The following EPHB2 variants were observed in gnomAD, a reference collection of about 807,000 sequenced individuals.
EPHB2 encodes ephrin type-B receptor 2.
In EPHB2, 18 loss-of-function variants were observed where a neutral mutation model predicts 96.4. The observed-to-expected ratio is 0.19, with a 90% CI of 0.13 to 0.28. The LOEUF (loss-of-function observed/expected upper bound fraction) is 0.28. Among genes scored for constraint, EPHB2 ranks in the 10% least tolerant of loss-of-function variants. The pLI is 1.00. For missense variants in EPHB2, 989 were observed against 1,355.4 expected, an observed-to-expected ratio of 0.73 and a Z score of 4.25; for synonymous variants, 506 against 534.1, an observed-to-expected ratio of 0.95 and a Z score of 0.72.
At chr1:22,759,947 C>T (rs1420158999) in intron 1 of EPHB2, among the ~76,000 whole-genome samples, 1 of 152,124 alleles carries the variant, frequency 6.6e-6, no homozygotes, top group African/African-American at 2.4e-5. Context: ...GAACCTGCCC[C>T]GGATCCCACC....
intron 3 of EPHB2, among the ~76,000 whole-genome samples, chr1:22,847,686 C>T (rs535296631): frequency 1.3e-3 from 205 of 152,266 alleles, no homozygotes; most frequent in South Asian, 7.9e-3. Context: ...TCTCCCCTGG[C>T]TTCCCTGCTC....
intron 1 of EPHB2, among the ~76,000 whole-genome samples, chr1:22,717,860 C>T (rs1361351792): frequency 4.6e-5 from 7 of 152,104 alleles, no homozygotes; most frequent in African/African-American, 7.2e-5. Flanking sequence ...CAGACTGCTC[C>T]GTACTGTGTG....
chr1:22,792,198 G>T (rs535559955), intron 3 of EPHB2, among the ~76,000 whole-genome samples: 1 of 152,214 alleles, frequency 6.6e-6, no homozygotes, highest in South Asian at 2.1e-4. Flanking sequence ...GAGTCTGCGG[G>T]GGTGGGGTGC....
At chr1:22,788,808 G>T (rs575797181) in intron 3 of EPHB2, among the ~76,000 whole-genome samples, 1 of 147,164 alleles carries the variant, frequency 6.8e-6, no homozygotes, top group East Asian at 2.1e-4. Context: ...AGGCTGGAGC[G>T]TAGTGGTGCA....
At chr1:22,768,728 G>A (rs2148403805) in intron 1 of EPHB2, among the ~76,000 whole-genome samples, 1 of 151,804 alleles carries the variant, frequency 6.6e-6, no homozygotes, top group Non-Finnish European at 1.5e-5. Context: ...GTGGTGTCTG[G>A]AGTTCTCTTT....
intron 3 of EPHB2, among the ~76,000 whole-genome samples, chr1:22,796,426 A>G (rs1350024359): frequency 1.3e-5 from 2 of 152,184 alleles, no homozygotes; most frequent in African/African-American, 4.8e-5. Context: ...TACTGTTTTC[A>G]TAACGAGGAT....
chr1:22,746,852 C>T (rs903242889), intron 1 of EPHB2, among the ~76,000 whole-genome samples: 2 of 152,034 alleles, frequency 1.3e-5, no homozygotes, highest in Non-Finnish European at 2.9e-5. Flanking sequence ...CTTCCCTCTG[C>T]ACCCTCCTGA....
chr1:22,884,530 G>T (rs1426574461), intron 6 of EPHB2, among the ~76,000 whole-genome samples: 1 of 148,810 alleles, frequency 6.7e-6, no homozygotes, highest in Non-Finnish European at 1.5e-5. Flanking sequence ...TGAAGCAGGA[G>T]AATCACTTGA....
At chr1:22,833,801 G>A (rs1645341716) in intron 3 of EPHB2, among the ~76,000 whole-genome samples, 1 of 152,164 alleles carries the variant, frequency 6.6e-6, no homozygotes, top group Non-Finnish European at 1.5e-5. Context: ...GAAATTCATA[G>A]TTTGGATGAG....
At position 22,858,844 on chromosome 1, in the gene EPHB2, G is replaced by C. The variant is rs1434317408; in HGVS notation, c.812-4193G>C. Among the ~76,000 whole-genome samples the C allele has an allele frequency of 3.9e-5, 6 of 152,190 alleles. No homozygotes were observed. Among genetic ancestry groups the C allele is most frequent in the Admixed American group, 6.5e-5 (1 of 15,284 alleles). The stretch of plus-strand genomic sequence containing the variant: ...CTCAGTTTCCTCAAATGTCAACTAA[G>C]GGGGTGGGGCTCGATCCCCTTCCAG... On this transcript the variant is annotated intron_variant, in intron 3 of 15. Coordinates refer to ENST00000374630, the MANE Select transcript of EPHB2 (RefSeq NM_017449.5). The surrounding 1 kb of genome is among the most constrained non-coding windows in gnomAD (Gnocchi z 7.7).
At chr1:22,786,098 C>G (rs1644606697) in intron 3 of EPHB2, among the ~76,000 whole-genome samples, 1 of 152,224 alleles carries the variant, frequency 6.6e-6, no homozygotes. Flanking sequence ...GAGGTACACC[C>G]TGGTGCTAAG....
intron 3 of EPHB2, among the ~76,000 whole-genome samples, chr1:22,828,516 T>A (rs1247311988): frequency 2.6e-5 from 4 of 152,068 alleles, no homozygotes; most frequent in Admixed American, 2.6e-4. Context: ...AAAAGAAAGC[T>A]GGAGACCTTT....
chr1:22,834,182 A>G (rs961360857), intron 3 of EPHB2, among the ~76,000 whole-genome samples: 8 of 152,188 alleles, frequency 5.3e-5, no homozygotes, highest in African/African-American at 1.9e-4. Context: ...GAGCTAACTA[A>G]TAAGAGCCCT....
chr1:22,741,174 C>G (rs982748225), intron 1 of EPHB2, among the ~76,000 whole-genome samples: 1 of 152,054 alleles, frequency 6.6e-6, no homozygotes, highest in South Asian at 2.1e-4. Context: ...AATCTCTCCC[C>G]CCGACCCCTA....
chr1:22,863,011 G>T (rs754570824), intron 3 of EPHB2, 26 bp from the exon 4 acceptor site: 1 of 1,613,840 alleles, frequency 6.2e-7, no homozygotes, highest in South Asian at 1.1e-5. Flanking sequence ...CAGTTTCCTG[G>T]TGACTCTCCT....
intron 2 of EPHB2, among the ~76,000 whole-genome samples, chr1:22,782,413 C>A (rs1411838919): frequency 4.7e-5 from 7 of 148,724 alleles, no homozygotes; most frequent in Non-Finnish European, 9.0e-5. Context: ...TCCCCCCACC[C>A]CAGTTCCTCC....
chr1:22,884,205 G>A (rs909831461), intron 6 of EPHB2, among the ~76,000 whole-genome samples: 1 of 152,184 alleles, frequency 6.6e-6, no homozygotes, highest in Non-Finnish European at 1.5e-5. Flanking sequence ...GATGGAGCCT[G>A]TGAATGAAAA....
intron 5 of EPHB2, among the ~76,000 whole-genome samples, chr1:22,877,529 C>G (rs528617143): frequency 9.2e-5 from 14 of 152,268 alleles, no homozygotes; most frequent in South Asian, 6.2e-4. Context: ...GTTTGGCCCC[C>G]ACCTTCCTCG....
intron 3 of EPHB2, among the ~76,000 whole-genome samples, chr1:22,806,433 A>G (rs994611706): frequency 1.3e-4 from 20 of 152,176 alleles, no homozygotes; most frequent in African/African-American, 4.8e-4. Context: ...GCACATAGCA[A>G]ATGCTCAACA....
Sources: gnomAD v4.1 joint callset for allele counts (sites outside exome capture counted in the v4.1 genomes callset) on GRCh38, gnomAD v4.1.1 for gene constraint, Gnocchi (gnomAD v3.1) non-coding constraint, MANE v1.5 for transcripts, NCBI Gene and HGNC (gene_info 2026-07-23, HGNC 2026-07-21) for gene names.